Variants in CDYL2 observed in about 807,000 individuals in gnomAD.
The protein encoded by CDYL2 is chromodomain Y like 2.
In CDYL2, 23 loss-of-function variants were observed where a neutral mutation model predicts 49.4. The ratio of observed to expected loss-of-function variants is 0.47; its 90% CI spans 0.34 to 0.66. The LOEUF (loss-of-function observed/expected upper bound fraction) is 0.66. Among genes scored for constraint, CDYL2 ranks in the 30% least tolerant of loss-of-function variants. CDYL2 has a pLI of 0.01. For synonymous variants in CDYL2, 360 were observed against 268.8 expected, an observed-to-expected ratio of 1.34 and a Z score of -3.32; for missense variants, 678 against 656.4, an observed-to-expected ratio of 1.03 and a Z score of -0.36.
chr16:80,653,380 G>A (rs535326110), intron 2 of CDYL2, among the ~76,000 whole-genome samples: 101 of 152,260 alleles, frequency 6.6e-4, no homozygotes, highest in Non-Finnish European at 1.0e-3. Context: ...CAGGAGAATC[G>A]CTTGAACCCA....
intron 1 of CDYL2, among the ~76,000 whole-genome samples, chr16:80,801,776 C>T (rs1207359359): frequency 6.6e-6 from 1 of 152,136 alleles, no homozygotes; most frequent in Non-Finnish European, 1.5e-5. Flanking sequence ...CACATAACAA[C>T]TTTACAGTCA....
Position 80,608,102 on chromosome 16 carries a change from C to T in CDYL2, c.1352G>A (p.Cys451Tyr). Residue 451 changes from cysteine (C) to tyrosine (Y), a missense_variant, in exon 6 of 7, where the codon TGC (cysteine) becomes TAC (tyrosine). By Grantham distance (194) the Cys-to-Tyr change is radical. Around this residue, in one of 3 missense-constraint regions of CDYL2, gnomAD observed 153 missense variants for 150.6 expected, o/e 1.02. Coordinates refer to ENST00000570137, the MANE Select transcript of CDYL2 (RefSeq NM_152342.4). ...GGCGCAGGAACTCACCACGGCACTG[C>T]AGGATGCCATCTCCTTGACCCGCAG... is the stretch of plus-strand genomic sequence containing the variant. ...VMLRVKEMAS[C>Y]SAVVLEESKC... 6.3e-7 allele frequency: 1 copy of T among 1,588,856 alleles called. No individual in the cohort carries two copies. Among genetic ancestry groups the T allele is most frequent in the Admixed American group, 1.7e-5 (1 of 57,244 alleles).
intron 1 of CDYL2, among the ~76,000 whole-genome samples, chr16:80,771,858 T>C (rs1906916459): frequency 6.6e-6 from 1 of 152,026 alleles, no homozygotes; most frequent in South Asian, 2.1e-4. Flanking sequence ...ATTTAAAAAT[T>C]AGTGGATTAT....
At chr16:80,604,885 G>A (rs945623517) in intron 6 of CDYL2, among the ~76,000 whole-genome samples, 6 of 152,178 alleles carry the variant, frequency 3.9e-5, no homozygotes, top group Non-Finnish European at 7.3e-5. Flanking sequence ...TTAACCTCCC[G>A]TGATTCATTT....
intron 1 of CDYL2, among the ~76,000 whole-genome samples, chr16:80,730,200 G>A (rs892509599): frequency 4.6e-5 from 7 of 152,034 alleles, no homozygotes; most frequent in East Asian, 1.9e-4. Context: ...TTGATAGACC[G>A]CTAGCAAGAC....
chr16:80,792,400 C>A (rs1046212731), intron 1 of CDYL2, among the ~76,000 whole-genome samples: 2 of 152,084 alleles, frequency 1.3e-5, no homozygotes, highest in Non-Finnish European at 2.9e-5. Context: ...AGGTGGCGAC[C>A]CAAAAGAAGT....
At chr16:80,678,115 A>G (rs1909829814) in intron 2 of CDYL2, among the ~76,000 whole-genome samples, 1 of 152,204 alleles carries the variant, frequency 6.6e-6, no homozygotes, top group South Asian at 2.1e-4. Context: ...TCAATTCAAG[A>G]TGGATTAAAG....
chr16:80,765,685 G>A (rs1386749641), intron 1 of CDYL2, among the ~76,000 whole-genome samples: 1 of 129,924 alleles, frequency 7.7e-6, no homozygotes, highest in Non-Finnish European at 1.6e-5. Context: ...CTGAAAAGTG[G>A]ATAAGCAAAA....
At chr16:80,709,148 CCGAG>C (rs1904503434) in intron 1 of CDYL2, among the ~76,000 whole-genome samples, 1 of 152,124 alleles carries the variant, frequency 6.6e-6, no homozygotes, top group Non-Finnish European at 1.5e-5. Context: ...CTTTGGGAGG[CCGAG>C]GTGGGCAGAT....
At position 80,683,380 on chromosome 16, in the gene CDYL2, C is replaced by T. The variant is rs570569835; in HGVS notation, c.616+1158G>A. 9.8e-5 allele frequency among the ~76,000 whole-genome samples: 15 copies of T among 152,290 alleles called. No homozygotes were observed. In the South Asian group the frequency reaches 3.1e-3, roughly 32 times the overall value. On this transcript the variant is annotated intron_variant, in intron 2 of 6. Coordinates refer to ENST00000570137, the MANE Select transcript of CDYL2 (RefSeq NM_152342.4). ...AAGCAGCTAACCTGAAAGACTGATG[C>T]CATGAAGGACTCAGGTAAGGGGCAA...
intron 1 of CDYL2, among the ~76,000 whole-genome samples, chr16:80,705,802 T>C (rs552624629): frequency 2.0e-5 from 3 of 152,402 alleles, no homozygotes; most frequent in Admixed American, 1.3e-4. Context: ...AAAACTTTAT[T>C]TATAAAAACA....
At chr16:80,708,247 C>G (rs1904472331) in intron 1 of CDYL2, among the ~76,000 whole-genome samples, 2 of 152,206 alleles carry the variant, frequency 1.3e-5, no homozygotes, top group Admixed American at 1.3e-4. Context: ...CCCCACGTGT[C>G]AAGGTCAGGG....
At chr16:80,611,579 T>C (rs749795185) in intron 5 of CDYL2, among the ~76,000 whole-genome samples, 2 of 152,288 alleles carry the variant, frequency 1.3e-5, no homozygotes, top group East Asian at 1.9e-4. Flanking sequence ...ACCCCTCAGA[T>C]GTGGGACCTA....
intron 1 of CDYL2, 103 bp from the exon 2 acceptor site, chr16:80,685,232 A>G: frequency 1.1e-6 from 1 of 883,304 alleles, no homozygotes; most frequent in Non-Finnish European, 1.7e-6. Context: ...AGAGGCATCT[A>G]CCCTAGCCAG....
rs75176750 is a variant in CDYL2 at position 80,734,694 on chromosome 16, C to T, written c.25-49565G>A. ...TATGTGAAAGACACCATGTTGGGCCCTGGGAGCACAGATATACCTGCTTAA... is the reference window on the plus strand; with the variant it reads ...TATGTGAAAGACACCATGTTGGGCCTTGGGAGCACAGATATACCTGCTTAA... On this transcript the variant is annotated intron_variant, in intron 1 of 6. Coordinates refer to ENST00000570137, the MANE Select transcript of CDYL2 (RefSeq NM_152342.4). 3.8e-3 allele frequency among the ~76,000 whole-genome samples: 586 copies of T among 152,254 alleles called. 3 individuals are homozygous for T. Among genetic ancestry groups the T allele is most frequent in the African/African-American group, 0.013 (551 of 41,546 alleles).
intron 1 of CDYL2, among the ~76,000 whole-genome samples, chr16:80,750,508 AG>A (rs1906095082): frequency 6.6e-6 from 1 of 152,112 alleles, no homozygotes; most frequent in African/African-American, 2.4e-5. Flanking sequence ...AAACACAAAG[AG>A]ATCTTAAAAT....
intron 4 of CDYL2, among the ~76,000 whole-genome samples, chr16:80,613,341 T>C (rs2054136198): frequency 6.6e-6 from 1 of 152,172 alleles, no homozygotes; most frequent in Admixed American, 6.5e-5. Context: ...CTGGAGGTAT[T>C]TGCATTTTAG....
At chr16:80,659,581 A>T (rs1452529363) in intron 2 of CDYL2, among the ~76,000 whole-genome samples, 1 of 152,088 alleles carries the variant, frequency 6.6e-6, no homozygotes, top group Non-Finnish European at 1.5e-5. Context: ...AACAATTTGT[A>T]TATAGTTTAT....
At chr16:80,763,250 G>T (rs1906593304) in intron 1 of CDYL2, among the ~76,000 whole-genome samples, 1 of 152,302 alleles carries the variant, frequency 6.6e-6, no homozygotes, top group Non-Finnish European at 1.5e-5. Flanking sequence ...AGAACCACAA[G>T]TAACGAGAAT....
Sources: allele counts gnomAD v4.1 joint callset (sites outside exome capture counted in the v4.1 genomes callset), GRCh38; gene constraint gnomAD v4.1.1; regional missense constraint gnomAD v4.1.1; transcripts MANE v1.5; gene names NCBI Gene and HGNC (gene_info 2026-07-23, HGNC 2026-07-21).